AGBL3: variants seen among roughly 807,000 people sequenced by gnomAD.
The protein encoded by AGBL3 is AGBL carboxypeptidase 3.
AGBL3 carries 68 observed loss-of-function variants against 94.5 expected under a neutral mutation model. The ratio of observed to expected loss-of-function variants is 0.72; its 90% confidence interval spans 0.59 to 0.88. The LOEUF is 0.88. Ranked by LOEUF, AGBL3 falls within the 40% of genes least tolerant of loss-of-function variation. The pLI is 0.00. For synonymous variants in AGBL3, 354 were observed against 370.7 expected, an observed-to-expected ratio of 0.95 and a Z score of 0.52; for missense variants, 934 against 1,103.8, an observed-to-expected ratio of 0.85 and a Z score of 2.18.
At chr7:134,999,746 T>A (rs1229448856) in intron 4 of AGBL3, among the ~76,000 whole-genome samples, 1 of 152,256 alleles carries the variant, frequency 6.6e-6, no homozygotes, top group Non-Finnish European at 1.5e-5. Flanking sequence ...CAAACTTTGA[T>A]TATTTTTAAA....
intron 15 of AGBL3, among the ~76,000 whole-genome samples, chr7:135,100,487 T>G (rs1307745013): frequency 6.6e-6 from 1 of 152,216 alleles, no homozygotes; most frequent in East Asian, 1.9e-4. Flanking sequence ...TAGGTAAGTA[T>G]TTGAGAACCA....
At chr7:135,095,028 A>G (rs1822452639) in intron 15 of AGBL3, among the ~76,000 whole-genome samples, 1 of 152,176 alleles carries the variant, frequency 6.6e-6, no homozygotes, top group Admixed American at 6.5e-5. Context: ...GCAGTTCAAC[A>G]TGGAGTAAGT....
chr7:135,061,145 T>C (rs558057915), intron 12 of AGBL3, among the ~76,000 whole-genome samples: 19 of 152,184 alleles, frequency 1.2e-4, no homozygotes, highest in Admixed American at 1.0e-3. Flanking sequence ...TGATGATTAG[T>C]GATGTAGGGC....
intron 5 of AGBL3, among the ~76,000 whole-genome samples, chr7:135,027,751 A>C (rs923302070): frequency 1.3e-5 from 2 of 151,706 alleles, no homozygotes; most frequent in African/African-American, 4.8e-5. Context: ...TAGTTAAACA[A>C]GAATATATTG....
chr7:135,128,291 C>CAAAAAAAAAAAAAAAAAAAAA (rs61217008), intron 16 of AGBL3, among the ~76,000 whole-genome samples: 1 of 58,070 alleles, frequency 1.7e-5, no homozygotes, highest in African/African-American at 8.1e-5. Flanking sequence ...GACTCCATCT[C>CAAAAAAAAAAAAAAAAAAAAA]AAAAAAAAAA....
At chr7:135,123,224 C>G (rs1827389756) in intron 16 of AGBL3, among the ~76,000 whole-genome samples, 1 of 152,138 alleles carries the variant, frequency 6.6e-6, no homozygotes, top group African/African-American at 2.4e-5. Context: ...AGCTGAAAAA[C>G]AGCACAAGAA....
intron 4 of AGBL3, chr7:135,011,813 G>A (rs1402318190): frequency 2.0e-5 from 3 of 152,156 alleles, no homozygotes; most frequent in Non-Finnish European, 4.4e-5. Context: ...TTTGTGACCT[G>A]CTGGTGGGTG....
intron 15 of AGBL3, among the ~76,000 whole-genome samples, chr7:135,084,867 G>A (rs1488269814): frequency 6.6e-6 from 1 of 151,980 alleles, no homozygotes; most frequent in African/African-American, 2.4e-5. Flanking sequence ...CCCAGTAGTG[G>A]GATTGCTGTA....
chr7:135,084,679 CT>C (rs1355405829), intron 15 of AGBL3, among the ~76,000 whole-genome samples: 2 of 151,974 alleles, frequency 1.3e-5, no homozygotes, highest in Non-Finnish European at 2.9e-5. Flanking sequence ...GAATTTTGTT[CT>C]TTTTTATGGT....
chr7:135,098,641 G>A (rs1400360373), intron 15 of AGBL3, among the ~76,000 whole-genome samples: 1 of 152,148 alleles, frequency 6.6e-6, no homozygotes, highest in Non-Finnish European at 1.5e-5. Flanking sequence ...GATAAGAGCA[G>A]ATCTGAAAGT....
intron 5 of AGBL3, among the ~76,000 whole-genome samples, chr7:135,022,108 A>G (rs1253608814): frequency 6.6e-6 from 1 of 152,186 alleles, no homozygotes; most frequent in Admixed American, 6.5e-5. Context: ...TGCCATTGTG[A>G]ATAGTGATGC....
intron 15 of AGBL3, among the ~76,000 whole-genome samples, chr7:135,098,612 A>G (rs759250346): frequency 6.6e-5 from 10 of 152,186 alleles, no homozygotes; most frequent in Non-Finnish European, 1.5e-4. Flanking sequence ...TGATACCAGG[A>G]GCAGTGTAAT....
intron 4 of AGBL3, among the ~76,000 whole-genome samples, chr7:134,999,387 C>T (rs113811954): frequency 1.4e-3 from 211 of 152,312 alleles, no homozygotes; most frequent in Non-Finnish European, 2.5e-3. Flanking sequence ...TAGCCACCTG[C>T]GGTCTCCGTC....
intron 16 of AGBL3, chr7:135,129,202 C>A: frequency 7.0e-7 from 1 of 1,425,534 alleles, no homozygotes; most frequent in Non-Finnish European, 9.9e-7. Flanking sequence ...TGCCCCCACG[C>A]ATGCTGCCAG....
chr7:135,033,674 A>G (rs1816006324), intron 6 of AGBL3, among the ~76,000 whole-genome samples: 1 of 152,190 alleles, frequency 6.6e-6, no homozygotes, highest in Admixed American at 6.5e-5. Context: ...CTTGTTCTCA[A>G]ATAGATCAAA....
intron 16 of AGBL3, among the ~76,000 whole-genome samples, chr7:135,125,719 G>A (rs554920602): frequency 6.6e-6 from 1 of 152,196 alleles, no homozygotes; most frequent in East Asian, 1.9e-4. Flanking sequence ...CTTCATCCCT[G>A]GGATGCAAGG....
At chr7:134,993,862 A>C (rs1810625488) in intron 4 of AGBL3, among the ~76,000 whole-genome samples, 184 bp downstream of exon 4, 1 of 152,244 alleles carries the variant, frequency 6.6e-6, no homozygotes, top group African/African-American at 2.4e-5. Context: ...AAGAAAATGA[A>C]ATTAACTTTA....
chr7:135,062,418 T>C (rs1345974368), intron 12 of AGBL3, among the ~76,000 whole-genome samples: 1 of 152,126 alleles, frequency 6.6e-6, no homozygotes, highest in Non-Finnish European at 1.5e-5. Context: ...GTGGTAAAAG[T>C]GGGCATCATT....
At chr7:134,993,470 T>C (rs777131333) in intron 3 of AGBL3, 23 bp from the exon 4 acceptor site, 9 of 1,512,472 alleles carry the variant, frequency 6.0e-6, no homozygotes, top group South Asian at 5.2e-5. Flanking sequence ...CCACTCATGA[T>C]TGTGTTTGAA....
Sources: gnomAD v4.1 joint callset for allele counts (sites outside exome capture counted in the v4.1 genomes callset) on GRCh38, gnomAD v4.1.1 for gene constraint, MANE v1.5 for transcripts, NCBI Gene and HGNC (gene_info 2026-07-23, HGNC 2026-07-21) for gene names.